TBC1D4: variants seen among roughly 807,000 people sequenced by gnomAD.
TBC1D4 encodes the protein TBC1 domain family member 4, also known as TBC (Tre-2, BUB2, CDC16) domain-containing protein.
Under a neutral mutation model 142.5 loss-of-function variants are expected in TBC1D4, and 121 were observed. The ratio of observed to expected loss-of-function variants is 0.85; its 90% CI spans 0.73 to 0.99. The LOEUF (loss-of-function observed/expected upper bound fraction) is 0.99, where lower values mean the gene tolerates loss of function less well. TBC1D4 is among the 50% of genes least tolerant of loss of function. The pLI, the probability that TBC1D4 is intolerant of heterozygous loss-of-function variation, is 0.00. For missense variants in TBC1D4, 1,475 were observed against 1,606.6 expected (o/e 0.92, Z 1.40); for synonymous variants, 630 against 628.2 (o/e 1.00, Z -0.04).
chr13:75,301,307 A>C (rs1876518420), intron 16 of TBC1D4, among the ~76,000 whole-genome samples: 1 of 152,172 alleles, frequency 6.6e-6, no homozygotes, highest in Admixed American at 6.5e-5. Context: ...TTAAAAATCA[A>C]AGCATTTTTA....
chr13:75,315,369 TAC>T (rs796479326), intron 12 of TBC1D4, among the ~76,000 whole-genome samples: 41 of 137,816 alleles, frequency 3.0e-4, no homozygotes, highest in Admixed American at 1.4e-3. Flanking sequence ...TATATATATA[TAC>T]ACACACACAC....
At chr13:75,306,786 A>G (rs992580813) in intron 14 of TBC1D4, among the ~76,000 whole-genome samples, 3 of 152,204 alleles carry the variant, frequency 2.0e-5, no homozygotes, top group Non-Finnish European at 2.9e-5. Flanking sequence ...ACACCACTGA[A>G]GTGTTAATAT....
intron 1 of TBC1D4, among the ~76,000 whole-genome samples, chr13:75,384,815 T>C (rs1370881522): frequency 6.6e-6 from 1 of 152,228 alleles, no homozygotes; most frequent in Non-Finnish European, 1.5e-5. Context: ...ACTCCAGTTA[T>C]GGTTAAAATA....
chr13:75,403,485 C>T (rs1211704269), intron 1 of TBC1D4, among the ~76,000 whole-genome samples: 1 of 152,040 alleles, frequency 6.6e-6, no homozygotes, highest in African/African-American at 2.4e-5. Context: ...CTAGCAAATA[C>T]CTTAAAAAAT....
intron 8 of TBC1D4, among the ~76,000 whole-genome samples, chr13:75,329,653 A>C (rs1879580182): frequency 6.6e-6 from 1 of 151,778 alleles, no homozygotes; most frequent in Admixed American, 6.6e-5. Context: ...TTAATTCCTC[A>C]TTTGGGTGAG....
chr13:75,289,603 A>G (rs773646962), intron 19 of TBC1D4, among the ~76,000 whole-genome samples: 3 of 152,168 alleles, frequency 2.0e-5, no homozygotes, highest in Non-Finnish European at 2.9e-5. Flanking sequence ...TTATTTGCCA[A>G]TGGAGCAGAA....
At chr13:75,414,732 C>A (rs531073781) in intron 1 of TBC1D4, among the ~76,000 whole-genome samples, 1 of 151,986 alleles carries the variant, frequency 6.6e-6, no homozygotes, top group South Asian at 2.1e-4. Context: ...ATGAGGTGAT[C>A]CTTAAAATAG....
chr13:75,429,318 A>T (rs912415455), intron 1 of TBC1D4, among the ~76,000 whole-genome samples: 6 of 152,254 alleles, frequency 3.9e-5, no homozygotes, highest in Non-Finnish European at 2.9e-5. Flanking sequence ...CATCACTGAA[A>T]GTAAATATTT....
intron 1 of TBC1D4, among the ~76,000 whole-genome samples, chr13:75,408,394 G>C (rs1273198674): frequency 6.6e-6 from 1 of 152,052 alleles, no homozygotes. Context: ...TGGCTATTAC[G>C]AATAATGCTG....
rs149815671 is a variant in TBC1D4, at chr13:75,293,213, T to TA, written c.3317-943_3317-942insT. On this transcript the variant is annotated intron_variant, in intron 18 of 20. Transcript: ENST00000377636. ...AGTACTTAGTACTTTTTTATGAAAGTTTCTCTCAATCTATGTCATTCTTTA... is the reference window on the plus strand; with the variant it reads ...AGTACTTAGTACTTTTTTATGAAAGTATTCTCTCAATCTATGTCATTCTTTA... Among the ~76,000 whole-genome samples the TA allele has an allele frequency of 5.0e-3, 758 of 152,310 alleles. 6 individuals carry two copies. The highest frequency in any genetic ancestry group is 0.017 in the Middle Eastern group (5 of 294).
chr13:75,384,426 A>G (rs1206755272), intron 1 of TBC1D4, among the ~76,000 whole-genome samples: 3 of 152,140 alleles, frequency 2.0e-5, no homozygotes, highest in Non-Finnish European at 4.4e-5. Flanking sequence ...GCGAGACTCC[A>G]TCTCAAAAAC....
chr13:75,450,611 G>A (rs1329002633), intron 1 of TBC1D4, among the ~76,000 whole-genome samples: 1 of 152,134 alleles, frequency 6.6e-6, no homozygotes, highest in Non-Finnish European at 1.5e-5. Flanking sequence ...AATATGCAGA[G>A]AATACTGCCA....
At position 75,283,992 on chromosome 13, in the gene TBC1D4, G is replaced by A. The variant is rs900464754; in HGVS notation, c.*2800C>T. On this transcript the variant is annotated 3_prime_UTR_variant, in exon 21 of 21. Coordinates refer to ENST00000377636, the MANE Select transcript of TBC1D4 (RefSeq NM_014832.5). ...TCACTGCAAGCTCACTGCAAGCTCC[G>A]CCTCCCAGGTTCAAACTATTCTCCA... Among the ~76,000 whole-genome samples the A allele has an allele frequency of 6.6e-6, 1 of 151,932 alleles. No individual in the cohort carries two copies. The highest frequency in any genetic ancestry group is 1.5e-5 in the Non-Finnish European group (1 of 67,998).
chr13:75,481,358 G>C lies in TBC1D4; in HGVS notation c.410C>G (p.Thr137Ser). The part of the protein sequence containing the change: ...SRFIHNSHDL[T>S]YFAYLIKAQP... The stretch of plus-strand genomic sequence containing the variant: ...CGCCTTGATCAGGTAGGCAAAGTAG[G>C]TGAGGTCGTGGCTGTTGTGGATGAA... The change falls in exon 1 of 21, where the codon ACC becomes AGC. Residue 137 changes from threonine (T) to serine (S), a missense_variant. Around this residue, in one of 2 missense-constraint regions of TBC1D4, gnomAD observed 1,227 missense variants for 1,267.7 expected, o/e 0.97. Transcript: ENST00000377636. 1 of 1,613,950 alleles carries C rather than the reference G, an allele frequency of 6.2e-7. No homozygotes were observed. Among genetic ancestry groups the C allele is most frequent in the South Asian group, 1.1e-5 (1 of 91,088 alleles).
chr13:75,475,320 C>T (rs1243197633), intron 1 of TBC1D4, among the ~76,000 whole-genome samples: 1 of 152,184 alleles, frequency 6.6e-6, no homozygotes, highest in African/African-American at 2.4e-5. Context: ...TACATTAAAT[C>T]ATAATTGAGC....
Position 75,341,154 on chromosome 13 carries a change from T to C in TBC1D4, c.1582A>G (p.Thr528Ala). ...GGGCCTTCCCCGATGTGCACGTGTGTCTTCTGCTTGGCTTCACACAGCTGC... is the reference window on the plus strand; with the variant it reads ...GGGCCTTCCCCGATGTGCACGTGTGCCTTCTGCTTGGCTTCACACAGCTGC... ...LRQLCEAKQK[T>A]HVHIGEGPST... Residue 528 changes from threonine to alanine, a missense_variant, in exon 7 of 21, where the codon ACA (threonine) becomes GCA (alanine). This residue lies in a region of TBC1D4 where 1,227 missense variants were observed against 1,267.7 expected (regional missense o/e 0.97). Coordinates refer to ENST00000377636, the MANE Select transcript of TBC1D4 (RefSeq NM_014832.5). The C allele has an allele frequency of 6.2e-7, 1 of 1,613,432 alleles. No homozygotes were observed. The highest frequency in any genetic ancestry group is 8.5e-7 in the Non-Finnish European group (1 of 1,179,866).
chr13:75,478,488 T>C (rs533310686), intron 1 of TBC1D4, among the ~76,000 whole-genome samples: 1 of 152,216 alleles, frequency 6.6e-6, no homozygotes, highest in South Asian at 2.1e-4. Flanking sequence ...CTTTATAGAC[T>C]CTGTCGAGGA....
chr13:75,421,050 T>TA (rs765366866), intron 1 of TBC1D4, among the ~76,000 whole-genome samples: 6 of 152,202 alleles, frequency 3.9e-5, no homozygotes, highest in Non-Finnish European at 8.8e-5. Context: ...TTAGATTACT[T>TA]ATCAAAGAAA....
intron 1 of TBC1D4, among the ~76,000 whole-genome samples, chr13:75,460,677 T>C (rs993450424): frequency 1.3e-5 from 2 of 152,058 alleles, no homozygotes; most frequent in Non-Finnish European, 2.9e-5. Flanking sequence ...TCCCAGCACT[T>C]TGAAAGGCCA....
Sources: allele counts gnomAD v4.1 joint callset (sites outside exome capture counted in the v4.1 genomes callset), GRCh38; gene constraint gnomAD v4.1.1; regional missense constraint gnomAD v4.1.1; transcripts MANE v1.5; gene names NCBI Gene and HGNC (gene_info 2026-07-23, HGNC 2026-07-21).